APC2: variants seen among roughly 807,000 people sequenced by gnomAD.
APC2 encodes the protein adenomatous polyposis coli protein 2.
Under a neutral mutation model 72.5 loss-of-function variants are expected in APC2, and 41 were observed. That is an observed-to-expected ratio of 0.57 (90% confidence interval 0.44 to 0.73). The LOEUF (loss-of-function observed/expected upper bound fraction) is 0.73. Ranked by LOEUF, APC2 falls within the 30% of genes least tolerant of loss-of-function variation. The pLI, the probability that APC2 is intolerant of heterozygous loss-of-function variation, is 0.00. For missense variants in APC2, 3,729 were observed against 3,403.4 expected, an observed-to-expected ratio of 1.10 and a Z score of -2.38; for synonymous variants, 1,898 against 1,612.0, an observed-to-expected ratio of 1.18 and a Z score of -4.25.
Position 1,469,544 on chromosome 19 carries a change from G to C in APC2, c.6243G>C (p.Pro2081=). The C allele has an allele frequency of 8.2e-7, 1 of 1,213,542 alleles. No homozygotes were observed. Among genetic ancestry groups the C allele is most frequent in the Non-Finnish European group, 1.0e-6 (1 of 962,088 alleles). The allele number at this position is 1,213,542 out of a possible 1,614,324, so 75.2% of individuals were successfully genotyped here. A position where few individuals can be genotyped will look rare whatever the true frequency, so the allele number is the denominator to read the frequency against. The change falls in exon 15 of 15, where the codon CCG becomes CCC. Residue 2081 remains proline (P), a synonymous_variant. Coordinates refer to ENST00000590469, the MANE Select transcript of APC2 (RefSeq NM_005883.3). ...CCCGGCGCACCACCTCCGAGAGCCC[G>C]TCCCGCCTGCCTGTGCGCGCGCCCG... ...RPARRTTSES[P]SRLPVRAPAA... is the part of the protein sequence containing the mutation.
rs752472776 is a variant in APC2, at chr19:1,468,820, C to T, written c.5519C>T (p.Ser1840Leu). ...GTCCCGAGCCCCGGGCAGCAGCGGT[C>T]GCGGAGCCTACACCGGCCTGCCAAG... ...AKVPSPGQQRSRSLHRPAKTS... is the reference protein window; with the variant it reads ...AKVPSPGQQRLRSLHRPAKTS... Residue 1840 changes from serine to leucine, a missense_variant, in exon 15 of 15, where the codon TCG becomes TTG. By Grantham distance (145) the Ser-to-Leu change is moderately radical. Transcript: ENST00000590469. The T allele has an allele frequency of 5.8e-6, 9 of 1,543,678 alleles. No individual in the cohort carries two copies. The highest frequency in any genetic ancestry group is 7.8e-6 in the Non-Finnish European group (9 of 1,149,924).
At position 1,469,862 on chromosome 19, in the gene APC2, C is replaced by T; in HGVS notation, c.6561C>T (p.Ser2187=). Residue 2187 remains serine, a synonymous_variant, in exon 15 of 15, where the codon AGC becomes AGT. Coordinates refer to ENST00000590469, the MANE Select transcript of APC2 (RefSeq NM_005883.3). ...CCGGGCCCCCGCCGCGCAAGACCAGCGACGCCGTGGTCCAGACCGAGGAGG... is the reference window on the plus strand; with the variant it reads ...CCGGGCCCCCGCCGCGCAAGACCAGTGACGCCGTGGTCCAGACCGAGGAGG... ...APAGPPPRKT[S]DAVVQTEEVA... 15 of 1,521,284 alleles carry T rather than the reference C, an allele frequency of 9.9e-6. No homozygotes were observed. Among genetic ancestry groups the T allele is most frequent in the African/African-American group, 1.4e-5 (1 of 70,594 alleles). The allele number at this position is 1,521,284 out of a possible 1,614,324, so 94.2% of individuals were successfully genotyped here.
chr19:1,458,514 C>T (rs1268257376), intron 10 of APC2: 1 of 160,240 alleles, frequency 6.2e-6, no homozygotes, highest in African/African-American at 2.4e-5. Flanking sequence ...AGGAGGATGA[C>T]TTTAGCTCAG....
chr19:1,451,619 C>T (rs898668239), intron 1 of APC2: 2 of 152,318 alleles, frequency 1.3e-5, no homozygotes, highest in African/African-American at 4.8e-5. Context: ...GTCGGGCCTC[C>T]AGCCTGGACT....
At chr19:1,456,478 A>T in intron 8 of APC2, 74 bp downstream of exon 8, 1 of 1,407,738 alleles carries the variant, frequency 7.1e-7, no homozygotes, top group African/African-American at 1.4e-5. Context: ...CATCCTCGCC[A>T]GTGGTGGTGC....
upstream of APC2, among the ~76,000 whole-genome samples, chr19:1,447,387 C>T (rs1169379980): frequency 6.6e-6 from 1 of 152,136 alleles, no homozygotes; most frequent in Non-Finnish European, 1.5e-5. Context: ...TGCGGACTTG[C>T]GGGGAGGTGT....
chr19:1,455,580 G>A (rs984205559), intron 6 of APC2, 80 bp downstream of exon 6: 8 of 1,364,496 alleles, frequency 5.9e-6, no homozygotes, highest in South Asian at 3.7e-5. Flanking sequence ...TATTATGGGC[G>A]GGGTCTGGGG....
Position 1,468,320 on chromosome 19 carries a change from G to C in APC2, c.5019G>C (p.Ala1673=). ...EGSRERGEEA[A]GSDRASDLDS... is the part of the protein sequence containing the mutation. ...CCCGGGAACGCGGCGAGGAGGCAGC[G>C]GGCTCGGACCGGGCCTCCGACCTGG... The change falls in exon 15 of 15, where the codon GCG becomes GCC. Residue 1673 remains alanine (A), a synonymous_variant. Transcript: ENST00000590469. 1.3e-6 allele frequency: 2 copies of C among 1,550,742 alleles called. No homozygotes were observed. Among genetic ancestry groups the C allele is most frequent in the South Asian group, 1.2e-5 (1 of 83,810 alleles).
At chr19:1,456,538 G>T in intron 8 of APC2, 134 bp downstream of exon 8, 1 of 1,004,280 alleles carries the variant, frequency 1.0e-6, no homozygotes, top group Non-Finnish European at 1.4e-6. Flanking sequence ...AGGCCCCTCT[G>T]GCGTGCAGCT....
intron 10 of APC2, among the ~76,000 whole-genome samples, chr19:1,459,274 G>A (rs1260023588): frequency 2.6e-5 from 4 of 151,618 alleles, no homozygotes; most frequent in Non-Finnish European, 4.4e-5. Flanking sequence ...GCGCCATCTC[G>A]GCTCACTGCA....
Position 1,468,111 on chromosome 19 carries a change from C to A in APC2, c.4810C>A (p.Pro1604Thr). ...GGCCGTCCATCCACGAGGCCGGGAG[C>A]CCGCGGTCACCAAGGACCCGGGCCC... ...PPAVHPRGRE[P>T]AVTKDPGPGG... Residue 1604 changes from proline to threonine, a missense_variant, in exon 15 of 15, where the codon CCC (proline) becomes ACC (threonine). Physicochemically the swap from Pro to Thr is conservative, Grantham distance 38. Transcript: ENST00000590469. 1 of 1,520,930 alleles carries A rather than the reference C, an allele frequency of 6.6e-7. No individual in the cohort carries two copies. The highest frequency in any genetic ancestry group is 8.8e-7 in the Non-Finnish European group (1 of 1,142,040). 94.2% of individuals were successfully genotyped at this position (1,520,930 alleles called of 1,614,324 possible).
rs2083993977 is a variant in APC2 at position 1,465,533 on chromosome 19, G to C, written c.2232G>C (p.Lys744Asn). 6.5e-7 allele frequency: 1 copy of C among 1,528,860 alleles called. No individual in the cohort carries two copies. The highest frequency in any genetic ancestry group is 2.1e-5 in the Admixed American group (1 of 48,638). The allele number at this position is 1,528,860 out of a possible 1,614,324, so 94.7% of individuals were successfully genotyped here. A position where few individuals can be genotyped will look rare whatever the true frequency, so the allele number is the denominator to read the frequency against. The change falls in exon 15 of 15, where the codon AAG (lysine) becomes AAC (asparagine). Residue 744 changes from lysine to asparagine, a missense_variant. By Grantham distance (94) the Lys-to-Asn change is moderately conservative. Transcript: ENST00000590469. ...HLAQALEHLE[K>N]QGPPAAEAAT... ...CGCAGGCGCTGGAGCACCTGGAGAA[G>C]CAGGGCCCGCCGGCAGCCGAGGCCG...
In APC2 at chr19:1,467,030, C is replaced by A. The variant is rs761249480; in HGVS notation, c.3729C>A (p.Ile1243=). The change falls in exon 15 of 15, where the codon ATC becomes ATA. Residue 1243 remains isoleucine, a synonymous_variant. Coordinates refer to ENST00000590469, the MANE Select transcript of APC2 (RefSeq NM_005883.3). ...GCTACGTGAAGCGCTTCCTGGACAT[C>A]GCCGACTGCCGGGAGCGCTGCCGGC... The part of the protein sequence containing the change: ...WESYVKRFLD[I]ADCRERCRLP... 8 of 1,611,182 alleles carry A rather than the reference C, an allele frequency of 5.0e-6. No homozygotes were observed. The highest frequency in any genetic ancestry group is 6.8e-6 in the Non-Finnish European group (8 of 1,179,386).
In APC2 at chr19:1,461,628, G is replaced by A. The variant is rs112261940; in HGVS notation, c.1639-335G>A. On this transcript the variant is annotated intron_variant, in intron 13 of 14. Transcript: ENST00000590469. ...AGCACTTTGGGAGGCCGAGGCGGGC[G>A]GATCACAAGGTCAGGAGATCGAGAC... 2,524 of 319,758 alleles carry A rather than the reference G, an allele frequency of 7.9e-3. 67 individuals carry two copies. The highest frequency in any genetic ancestry group is 0.049 in the African/African-American group (2,254 of 46,054). The allele number at this position is 319,758 out of a possible 1,614,324, so 19.8% of individuals were successfully genotyped here.
At chr19:1,453,739 A>G in intron 4 of APC2, 128 bp downstream of exon 4, 1 of 1,266,872 alleles carries the variant, frequency 7.9e-7, no homozygotes, top group Non-Finnish European at 1.1e-6. Context: ...CCACTTGCAT[A>G]TGGCACTGCC....
intron 13 of APC2, 24 bp from the exon 14 acceptor site, chr19:1,461,939 G>GC (rs2083932534): frequency 7.6e-7 from 1 of 1,311,482 alleles, no homozygotes; most frequent in Non-Finnish European, 1.1e-6. Context: ...GCCCTGACCC[G>GC]CCCCTCTCCC....
intron 6 of APC2, among the ~76,000 whole-genome samples, 170 bp downstream of exon 6, chr19:1,455,670 TG>T (rs2083811731): frequency 6.7e-6 from 1 of 149,444 alleles, no homozygotes; most frequent in Non-Finnish European, 1.5e-5. Context: ...CTGGAGGTGT[TG>T]GTGGGTGGAG....
rs1467297732 is a variant in APC2, at chr19:1,472,967, A to T, written c.*2754A>T. On this transcript the variant is annotated 3_prime_UTR_variant, in exon 15 of 15. Transcript: ENST00000590469. ...GTGCTGAACTCGGGGCGCCGTGCCC[A>T]CCGGCATGGTCCTCCCGAGCTCCGA... 6.6e-6 allele frequency: 1 copy of T among 151,486 alleles called. No homozygotes were observed. Among genetic ancestry groups the T allele is most frequent in the Non-Finnish European group, 1.5e-5 (1 of 67,888 alleles). The allele number at this position is 151,486 out of a possible 1,614,324, so 9.4% of individuals were successfully genotyped here.
intron 1 of APC2, among the ~76,000 whole-genome samples, chr19:1,451,010 T>A (rs760142954): frequency 2.0e-5 from 3 of 152,032 alleles, no homozygotes; most frequent in Non-Finnish European, 4.4e-5. Flanking sequence ...TGGGGAGCCA[T>A]GGAAGGTGTT....
Sources: allele counts gnomAD v4.1 joint callset (sites outside exome capture counted in the v4.1 genomes callset), GRCh38; gene constraint gnomAD v4.1.1; transcripts MANE v1.5; gene names NCBI Gene and HGNC (gene_info 2026-07-23, HGNC 2026-07-21).